The following RORB variants were observed in gnomAD, a reference collection of about 807,000 sequenced individuals.
RORB encodes RAR related orphan receptor B.
Under a neutral mutation model 59.1 loss-of-function variants are expected in RORB, and 6 were observed. That is an observed-to-expected ratio of 0.10 (90% confidence interval 0.06 to 0.20). RORB has a LOEUF of 0.20. Ranked by LOEUF, RORB falls within the 10% of genes least tolerant of loss-of-function variation. The pLI, the probability that RORB is intolerant of heterozygous loss-of-function variation, is 1.00. For missense variants in RORB, 320 were observed against 560.5 expected (o/e 0.57, Z 4.33); for synonymous variants, 215 against 204.5 (o/e 1.05, Z -0.44).
chr9:74,620,692 A>G (rs897619191), intron 1 of RORB, among the ~76,000 whole-genome samples: 1 of 152,138 alleles, frequency 6.6e-6, no homozygotes, highest in Admixed American at 6.5e-5. Flanking sequence ...TAGTGCTATA[A>G]ATTTCCCTCT....
intron 1 of RORB, among the ~76,000 whole-genome samples, chr9:74,533,494 A>G (rs1190983900): frequency 1.3e-5 from 2 of 152,080 alleles, no homozygotes; most frequent in Non-Finnish European, 2.9e-5. Context: ...TCCCTTTGAC[A>G]TGTATGCTTT....
chr9:74,679,601 C>T (rs1367298745), intron 9 of RORB, among the ~76,000 whole-genome samples: 1 of 152,086 alleles, frequency 6.6e-6, no homozygotes, highest in Non-Finnish European at 1.5e-5. Flanking sequence ...GTGCCAGGTG[C>T]AAGGAGACAA....
rs539936281 is a variant in RORB, at chr9:74,677,998, A to G, written c.1224+6097A>G. 2.0e-5 allele frequency among the ~76,000 whole-genome samples: 3 copies of G among 152,336 alleles called. No individual in the cohort carries two copies. The South Asian group carries it at 6.2e-4, about 32-fold the overall frequency. On this transcript the variant is annotated intron_variant, in intron 9 of 9. Transcript: ENST00000376896. ...AAAAATCAAGTGCCTCACTGACTAC[A>G]ATGAAAAGAAACACATGATCAGAAT...
chr9:74,577,016 C>A (rs1241532185), intron 1 of RORB, among the ~76,000 whole-genome samples: 1 of 152,006 alleles, frequency 6.6e-6, no homozygotes, highest in Non-Finnish European at 1.5e-5. Context: ...GCCTCCAAGG[C>A]CAGTGCTCTA....
At chr9:74,596,084 T>C (rs1822966568) in intron 1 of RORB, among the ~76,000 whole-genome samples, 1 of 152,210 alleles carries the variant, frequency 6.6e-6, no homozygotes. Flanking sequence ...TAATTCACTC[T>C]TATTTTGAGT....
At chr9:74,611,709 G>C (rs1044706965) in intron 1 of RORB, among the ~76,000 whole-genome samples, 8 of 152,104 alleles carry the variant, frequency 5.3e-5, no homozygotes, top group Non-Finnish European at 8.8e-5. Context: ...AAGTGCAATG[G>C]CAATCTTGGC....
In RORB at chr9:74,650,981, A is replaced by G. The variant is rs766803633; in HGVS notation, c.637+8166A>G. ...TCAATCCATATGTCAACAAAATTCA[A>G]ATGGTGAAAATCAATCCTAGTGATG... is the stretch of plus-strand genomic sequence containing the variant. On this transcript the variant is annotated intron_variant, in intron 4 of 9. Transcript: ENST00000376896. Among the ~76,000 whole-genome samples the G allele has an allele frequency of 5.3e-5, 8 of 152,296 alleles. No homozygotes were observed. The East Asian group carries it at 5.8e-4, about 11-fold the overall frequency.
At chr9:74,641,448 T>C (rs1271404129) in intron 3 of RORB, among the ~76,000 whole-genome samples, 2 of 152,126 alleles carry the variant, frequency 1.3e-5, no homozygotes, top group African/African-American at 2.4e-5. Context: ...ATAGTTACTG[T>C]TTTGGTCACT....
chr9:74,552,813 AAATAAT>A (rs753804338), intron 1 of RORB, among the ~76,000 whole-genome samples: 2 of 151,772 alleles, frequency 1.3e-5, no homozygotes, highest in African/African-American at 2.4e-5. Flanking sequence ...TAAAGACACA[AAATAAT>A]AATAATAATA....
intron 8 of RORB, among the ~76,000 whole-genome samples, chr9:74,668,703 A>T (rs746447048): frequency 6.6e-6 from 1 of 152,340 alleles, no homozygotes; most frequent in South Asian, 2.1e-4. Context: ...GTGGATCATC[A>T]TAAAGGTCTT....
chr9:74,571,730 C>G (rs1422378521), intron 1 of RORB, among the ~76,000 whole-genome samples: 1 of 152,116 alleles, frequency 6.6e-6, no homozygotes, highest in Non-Finnish European at 1.5e-5. Context: ...ACTTTGACCT[C>G]CACAATGTCA....
chr9:74,633,758 G>A (rs1823656488), intron 2 of RORB, among the ~76,000 whole-genome samples: 1 of 152,116 alleles, frequency 6.6e-6, no homozygotes, highest in African/African-American at 2.4e-5. Context: ...TTTACCTGAT[G>A]AACCCAAATG....
chr9:74,570,969 T>G (rs557293143), intron 1 of RORB, among the ~76,000 whole-genome samples: 44 of 151,162 alleles, frequency 2.9e-4, no homozygotes, highest in African/African-American at 1.0e-3. Flanking sequence ...TAATAATAAA[T>G]AATATAATTA....
intron 4 of RORB, among the ~76,000 whole-genome samples, chr9:74,659,851 C>T: frequency 6.6e-6 from 1 of 151,974 alleles, no homozygotes; most frequent in East Asian, 1.9e-4. Context: ...ATAAACTGCC[C>T]AAAATTGTGT....
At position 74,568,636 on chromosome 9, in the gene RORB, G is replaced by C. The variant is rs930523185; in HGVS notation, c.8-61646G>C. Among the ~76,000 whole-genome samples, 5 of 148,714 alleles carry C rather than the reference G, an allele frequency of 3.4e-5. 1 individual carries two copies. On this transcript the variant is annotated intron_variant, in intron 1 of 9. Coordinates refer to ENST00000376896, the MANE Select transcript of RORB (RefSeq NM_006914.4). ...AATCACTTGAACCCGGGAAGCAGAG[G>C]TTGAAGTGAGCCAAGGTCGCGCCAT...
intron 4 of RORB, among the ~76,000 whole-genome samples, chr9:74,653,560 G>T (rs915692770): frequency 2.6e-5 from 4 of 152,064 alleles, no homozygotes; most frequent in Non-Finnish European, 4.4e-5. Context: ...GAGGAGGTGG[G>T]AGCTGAGAAT....
chr9:74,596,755 TTAGA>T (rs1241299256), intron 1 of RORB, among the ~76,000 whole-genome samples: 8 of 152,338 alleles, frequency 5.3e-5, no homozygotes, highest in African/African-American at 1.7e-4. Context: ...AAGAGGTTAA[TTAGA>T]TAGCCATTAA....
Position 74,505,938 on chromosome 9 carries a change from C to T in RORB, c.7+7955C>T, listed in dbSNP as rs142970154. On this transcript the variant is annotated intron_variant, in intron 1 of 9. Transcript: ENST00000376896. The stretch of plus-strand genomic sequence containing the variant: ...AAAAGAAAGTATATTGAAGGTGAGA[C>T]GAGTATCAGTGTAAGGAAGAGGGTA... Among the ~76,000 whole-genome samples the T allele has an allele frequency of 3.1e-3, 461 of 146,808 alleles. 3 individuals carry two copies. Among genetic ancestry groups the T allele is most frequent in the Middle Eastern group, 7.4e-3 (2 of 270 alleles).
At chr9:74,634,864 G>C in intron 3 of RORB, 92 bp downstream of exon 3, 1 of 1,165,648 alleles carries the variant, frequency 8.6e-7, no homozygotes, top group African/African-American at 1.6e-5. Flanking sequence ...TTCTAGATGA[G>C]GGAATTGGGG....
Sources: gnomAD v4.1 joint callset for allele counts (sites outside exome capture counted in the v4.1 genomes callset) on GRCh38, gnomAD v4.1.1 for gene constraint, MANE v1.5 for transcripts, NCBI Gene and HGNC (gene_info 2026-07-23, HGNC 2026-07-21) for gene names.